RANBP2: variants seen among roughly 807,000 people sequenced by gnomAD.
RANBP2 encodes the protein RAN binding protein 2.
RANBP2 carries 57 observed loss-of-function variants against 303.6 expected under a neutral mutation model. That is an observed-to-expected ratio of 0.19 (90% CI 0.15 to 0.23). The LOEUF (loss-of-function observed/expected upper bound fraction) is 0.23, where lower values mean the gene tolerates loss of function less well. Among genes scored for constraint, RANBP2 ranks in the 10% least tolerant of loss-of-function variants. The pLI is 1.00. For missense variants in RANBP2, 3,138 were observed against 3,780.8 expected (o/e 0.83, Z 4.46); for synonymous variants, 1,167 against 1,301.5 (o/e 0.90, Z 2.23).
At chr2:109,565,360 T>C in the RANBP2 span, among the ~76,000 whole-genome samples, 3 of 152,210 alleles carry the variant, frequency 2.0e-5, no homozygotes, top group Non-Finnish European at 4.4e-5. Context: ...TAGATTTAAC[T>C]TTTTAAGTTG....
chr2:109,222,462 AATT>A, the RANBP2 span, among the ~76,000 whole-genome samples: 2 of 151,922 alleles, frequency 1.3e-5, no homozygotes, highest in Non-Finnish European at 2.9e-5. Context: ...AAATATGTAC[AATT>A]ATTATGTATC....
chr2:109,496,762 T>A, the RANBP2 span, among the ~76,000 whole-genome samples: 1 of 142,750 alleles, frequency 7.0e-6, no homozygotes, highest in Non-Finnish European at 1.5e-5. Context: ...CTCATGACTA[T>A]GTTACCATAC....
chr2:108,949,882 C>T, the RANBP2 span, among the ~76,000 whole-genome samples: 84 of 152,300 alleles, frequency 5.5e-4, no homozygotes, highest in Non-Finnish European at 8.5e-4. Flanking sequence ...AGTAATATGT[C>T]CCTTCCAAAT....
chr2:109,267,904 C>T, the RANBP2 span, among the ~76,000 whole-genome samples: 4 of 129,536 alleles, frequency 3.1e-5, no homozygotes, highest in Non-Finnish European at 6.4e-5. Flanking sequence ...TGCTGCAGCA[C>T]AGCCACACTC....
chr2:108,991,361 T>C, the RANBP2 span, among the ~76,000 whole-genome samples: 3 of 152,232 alleles, frequency 2.0e-5, no homozygotes, highest in African/African-American at 7.2e-5. Flanking sequence ...CCTAAGAGAC[T>C]GAGGCAGAAA....
At chr2:109,443,394 G>A in the RANBP2 span, among the ~76,000 whole-genome samples, 68 of 152,248 alleles carry the variant, frequency 4.5e-4, no homozygotes, top group East Asian at 0.011. Context: ...AACAAAAATC[G>A]CCTTGTTCAA....
chr2:109,529,263 G>C, the RANBP2 span, among the ~76,000 whole-genome samples: 1 of 152,200 alleles, frequency 6.6e-6, no homozygotes, highest in African/African-American at 2.4e-5. Context: ...GGGTGGGTTT[G>C]TTTGAACATA....
the RANBP2 span, among the ~76,000 whole-genome samples, chr2:108,868,312 C>G: frequency 6.6e-6 from 1 of 152,122 alleles, no homozygotes; most frequent in Non-Finnish European, 1.5e-5. Flanking sequence ...CTGAAAGTAA[C>G]TTGTAGCTGA....
chr2:109,513,621 G>A, the RANBP2 span, among the ~76,000 whole-genome samples: 115 of 152,188 alleles, frequency 7.6e-4, 1 homozygote, highest in South Asian at 2.9e-3. Context: ...ATGCACATGC[G>A]CACACATCAC....
At chr2:109,715,927 A>T in the RANBP2 span, among the ~76,000 whole-genome samples, 3 of 152,212 alleles carry the variant, frequency 2.0e-5, no homozygotes, top group African/African-American at 7.2e-5. Flanking sequence ...CTTCTATTCA[A>T]CATTGTCCTG....
the RANBP2 span, among the ~76,000 whole-genome samples, chr2:109,673,284 C>T: frequency 6.6e-6 from 1 of 152,164 alleles, no homozygotes; most frequent in Non-Finnish European, 1.5e-5. Context: ...TCTTTTTCTT[C>T]CCAGTTGACT....
chr2:109,113,114 C>T, the RANBP2 span, among the ~76,000 whole-genome samples: 5 of 152,056 alleles, frequency 3.3e-5, no homozygotes, highest in South Asian at 2.1e-4. Context: ...CTTGGCAATG[C>T]GGGCCCTTTT....
At chr2:109,652,279 G>A in the RANBP2 span, among the ~76,000 whole-genome samples, 1 of 151,338 alleles carries the variant, frequency 6.6e-6, no homozygotes, top group Non-Finnish European at 1.5e-5. Flanking sequence ...CTGGAGCGCA[G>A]TGGCGCCATC....
At chr2:109,730,522 A>G in the RANBP2 span, among the ~76,000 whole-genome samples, 339 of 152,310 alleles carry the variant, frequency 2.2e-3, 10 homozygotes, top group South Asian at 0.037. Context: ...GCAGAGACAG[A>G]GAGAAGTAAA....
chr2:109,528,612 G>A, the RANBP2 span, among the ~76,000 whole-genome samples: 2 of 152,322 alleles, frequency 1.3e-5, no homozygotes, highest in East Asian at 3.9e-4. Flanking sequence ...AGGAGACTGT[G>A]GTGCTGCAGC....
chr2:109,592,267 C>G, the RANBP2 span, among the ~76,000 whole-genome samples: 2 of 151,702 alleles, frequency 1.3e-5, no homozygotes, highest in East Asian at 3.9e-4. Flanking sequence ...GAGTTCGAGA[C>G]CAGCCTGGGC....
chr2:109,533,095 G>C, the RANBP2 span, among the ~76,000 whole-genome samples: 14 of 152,274 alleles, frequency 9.2e-5, no homozygotes, highest in African/African-American at 3.1e-4. Context: ...AGGACAGAGA[G>C]CTGACCTGAG....
the RANBP2 span, among the ~76,000 whole-genome samples, chr2:109,359,567 G>T: frequency 1.3e-5 from 2 of 152,078 alleles, no homozygotes; most frequent in African/African-American, 4.8e-5. Flanking sequence ...AATGTAAATT[G>T]TATCATGTTT....
the RANBP2 span, among the ~76,000 whole-genome samples, chr2:109,027,242 CAAAA>C: frequency 1.2e-5 from 1 of 81,506 alleles, no homozygotes; most frequent in African/African-American, 5.0e-5. Flanking sequence ...GGCTCTGTCT[CAAAA>C]AAAAAAAAAA....
Sources: allele counts gnomAD v4.1 joint callset (sites outside exome capture counted in the v4.1 genomes callset), GRCh38; gene constraint gnomAD v4.1.1; transcripts MANE v1.5; gene names NCBI Gene and HGNC (gene_info 2026-07-23, HGNC 2026-07-21).